Variants in RSPO3 observed in about 807,000 individuals in gnomAD.
RSPO3 encodes the protein R-spondin 3.
Under a neutral mutation model 36.5 loss-of-function variants are expected in RSPO3, and 17 were observed. The observed-to-expected ratio is 0.47, with a 90% CI of 0.32 to 0.70. The LOEUF (loss-of-function observed/expected upper bound fraction) is 0.70, where lower values mean the gene tolerates loss of function less well. Among genes scored for constraint, RSPO3 ranks in the 30% least tolerant of loss-of-function variants. The probability of loss-of-function intolerance (pLI) is 0.04; values close to 1 mark genes in which losing one functional copy is unlikely to be tolerated. For missense variants in RSPO3, 294 were observed against 322.5 expected, an observed-to-expected ratio of 0.91 and a Z score of 0.68; for synonymous variants, 108 against 107.0, an observed-to-expected ratio of 1.01 and a Z score of -0.06.
Position 127,150,447 on chromosome 6 carries a change from C to G in RSPO3, c.311C>G (p.Thr104Ser). 1 of 1,611,632 alleles carries G rather than the reference C, an allele frequency of 6.2e-7. No homozygotes were observed. Among genetic ancestry groups the G allele is most frequent in the Non-Finnish European group, 8.5e-7 (1 of 1,178,890 alleles). ...KCTKCKADCD[T>S]CFNKNFCTKC... ...TCAGAATGCAAAGCTGACTGTGATA[C>G]CTGTTTCAACAAAAATTTCTGCACA... The change falls in exon 3 of 5, where the codon ACC becomes AGC. Residue 104 changes from threonine to serine, a missense_variant. This residue lies in a region of RSPO3 where 43 missense variants were observed against 86.0 expected (regional missense o/e 0.50). Coordinates refer to ENST00000356698, the MANE Select transcript of RSPO3 (RefSeq NM_032784.5).
At chr6:127,121,072 T>C (rs1000043570) in intron 1 of RSPO3, among the ~76,000 whole-genome samples, 5 of 152,274 alleles carry the variant, frequency 3.3e-5, no homozygotes, top group Admixed American at 6.5e-5. Context: ...CCCGTGCCCA[T>C]TGGGCGTCCC....
intron 4 of RSPO3, among the ~76,000 whole-genome samples, chr6:127,172,227 A>T (rs1774951838): frequency 8.3e-6 from 1 of 120,856 alleles, no homozygotes; most frequent in Admixed American, 8.4e-5. Flanking sequence ...TATATATATA[A>T]TATATACACA....
chr6:127,159,773 T>C (rs1188208008), intron 4 of RSPO3, among the ~76,000 whole-genome samples: 1 of 151,062 alleles, frequency 6.6e-6, no homozygotes, highest in Non-Finnish European at 1.5e-5. Flanking sequence ...CTCAGTCTCC[T>C]GAGTAGCTGG....
intron 4 of RSPO3, among the ~76,000 whole-genome samples, chr6:127,193,181 G>C (rs1367978759): frequency 6.6e-6 from 1 of 152,112 alleles, no homozygotes; most frequent in Non-Finnish European, 1.5e-5. Flanking sequence ...TCACTGCCCA[G>C]ACTAGTTATT....
chr6:127,166,029 C>T (rs758004442), intron 4 of RSPO3, among the ~76,000 whole-genome samples: 1 of 151,936 alleles, frequency 6.6e-6, no homozygotes, highest in Non-Finnish European at 1.5e-5. Flanking sequence ...CATTAATCTT[C>T]TGCTTATAGA....
chr6:127,186,514 T>A (rs924370546), intron 4 of RSPO3, among the ~76,000 whole-genome samples: 1 of 152,116 alleles, frequency 6.6e-6, no homozygotes, highest in Non-Finnish European at 1.5e-5. Context: ...TAAGTGTTCT[T>A]TACTGTGTTA....
At chr6:127,131,908 C>A (rs531817959) in intron 1 of RSPO3, among the ~76,000 whole-genome samples, 1 of 152,176 alleles carries the variant, frequency 6.6e-6, no homozygotes, top group East Asian at 1.9e-4. Context: ...CTAAATAATC[C>A]CTTTACTTTA....
Position 127,170,337 on chromosome 6 carries a change from C to A in RSPO3, c.634+14899C>A, listed in dbSNP as rs935805557. The stretch of plus-strand genomic sequence containing the variant: ...AAAAATAGATGTGCCTTATTGTTGG[C>A]AAAGATGTGGGAAAAGTTGGAACTA... On this transcript the variant is annotated intron_variant, in intron 4 of 4. Coordinates refer to ENST00000356698, the MANE Select transcript of RSPO3 (RefSeq NM_032784.5). Among the ~76,000 whole-genome samples, 4 of 151,310 alleles carry A rather than the reference C, an allele frequency of 2.6e-5. No individual in the cohort carries two copies. In the South Asian group the frequency reaches 6.2e-4, roughly 24 times the overall value.
intron 1 of RSPO3, among the ~76,000 whole-genome samples, chr6:127,130,070 G>T (rs1774021270): frequency 6.6e-6 from 1 of 152,086 alleles, no homozygotes; most frequent in Admixed American, 6.6e-5. Context: ...ACATGGTGTT[G>T]TAAGTATCTA....
chr6:127,198,435 A>C lies in RSPO3; in HGVS notation c.*2428A>C, dbSNP rs1053958611. Among the ~76,000 whole-genome samples the C allele has an allele frequency of 2.0e-5, 3 of 152,148 alleles. 1 individual carries two copies. In the South Asian group the frequency reaches 6.2e-4, roughly 32 times the overall value. ...AGCAGCCTTCTCAAATTTGAGCAAA[A>C]ACTCTATCAACCTCTGGTAAAGTTC... On this transcript the variant is annotated 3_prime_UTR_variant, in exon 5 of 5. Coordinates refer to ENST00000356698, the MANE Select transcript of RSPO3 (RefSeq NM_032784.5).
intron 3 of RSPO3, among the ~76,000 whole-genome samples, chr6:127,151,630 C>T (rs1774492863): frequency 6.6e-6 from 1 of 151,654 alleles, no homozygotes; most frequent in South Asian, 2.1e-4. Flanking sequence ...TCAAGTGTAC[C>T]GTAGCACTTT....
At chr6:127,194,289 CA>C in intron 4 of RSPO3, among the ~76,000 whole-genome samples, 1 of 152,266 alleles carries the variant, frequency 6.6e-6, no homozygotes, top group Middle Eastern at 3.4e-3. Flanking sequence ...ACAATTTCTC[CA>C]AAATATTTTT....
At chr6:127,179,721 G>A (rs960196657) in intron 4 of RSPO3, among the ~76,000 whole-genome samples, 1 of 151,866 alleles carries the variant, frequency 6.6e-6, no homozygotes, top group Non-Finnish European at 1.5e-5. Context: ...CAAGGCATCA[G>A]TAAGGCTGTG....
chr6:127,144,150 TAAAC>T (rs1189253593), intron 1 of RSPO3, among the ~76,000 whole-genome samples: 1 of 152,154 alleles, frequency 6.6e-6, no homozygotes, highest in Non-Finnish European at 1.5e-5. Flanking sequence ...CTAACCATAA[TAAAC>T]AAGTTAAGAA....
intron 4 of RSPO3, among the ~76,000 whole-genome samples, chr6:127,168,507 T>A (rs2114613031): frequency 6.6e-6 from 1 of 152,282 alleles, no homozygotes; most frequent in South Asian, 2.1e-4. Context: ...TATTAGCCCT[T>A]TTTCAAATGG....
At position 127,148,711 on chromosome 6, in the gene RSPO3, G is replaced by A; in HGVS notation, c.161G>A (p.Cys54Tyr). 6.2e-7 allele frequency: 1 copy of A among 1,613,280 alleles called. No individual in the cohort carries two copies. Among genetic ancestry groups the A allele is most frequent in the Non-Finnish European group, 8.5e-7 (1 of 1,179,456 alleles). ...GCATCSDYNG[C>Y]LSCKPRLFFA... Reference sequence around the variant, plus strand: ...GCAACATGCTCAGATTACAATGGATGTTTGTCATGTAAGCCCAGACTATTT... The same window carrying A: ...GCAACATGCTCAGATTACAATGGATATTTGTCATGTAAGCCCAGACTATTT... Residue 54 changes from cysteine to tyrosine, a missense_variant, in exon 2 of 5, where the codon TGT becomes TAT. By Grantham distance (194) the Cys-to-Tyr change is radical. Coordinates refer to ENST00000356698, the MANE Select transcript of RSPO3 (RefSeq NM_032784.5).
chr6:127,186,652 T>C (rs557409679), intron 4 of RSPO3, among the ~76,000 whole-genome samples: 3 of 152,244 alleles, frequency 2.0e-5, no homozygotes, highest in East Asian at 1.9e-4. Flanking sequence ...ATCTGTACCA[T>C]AGGCAGTACT....
At chr6:127,126,877 C>G (rs766041939) in intron 1 of RSPO3, among the ~76,000 whole-genome samples, 3 of 152,068 alleles carry the variant, frequency 2.0e-5, no homozygotes, top group Non-Finnish European at 4.4e-5. Context: ...AGCTCTCCCC[C>G]TTTTTCCTCC....
intron 3 of RSPO3, among the ~76,000 whole-genome samples, chr6:127,154,272 C>T (rs776179125): frequency 1.4e-4 from 21 of 152,126 alleles, no homozygotes; most frequent in Non-Finnish European, 2.9e-4. Context: ...GAAAGAGTTA[C>T]TGTTGCTAGC....
Sources: gnomAD v4.1 joint callset for allele counts (sites outside exome capture counted in the v4.1 genomes callset) on GRCh38, gnomAD v4.1.1 for gene constraint, gnomAD v4.1.1 regional missense constraint, MANE v1.5 for transcripts, NCBI Gene and HGNC (gene_info 2026-07-23, HGNC 2026-07-21) for gene names.